ZNF532: variants seen among roughly 807,000 people sequenced by gnomAD.
ZNF532 encodes the protein zinc finger protein 532.
In ZNF532, 22 loss-of-function variants were observed where a neutral mutation model predicts 89.3. That is an observed-to-expected ratio of 0.25 (90% CI 0.18 to 0.35). ZNF532 has a LOEUF of 0.35. ZNF532 is among the 10% of genes least tolerant of loss of function. The pLI is 1.00. For missense variants in ZNF532, 1,132 were observed against 1,643.4 expected, an observed-to-expected ratio of 0.69 and a Z score of 5.38; for synonymous variants, 606 against 649.6, an observed-to-expected ratio of 0.93 and a Z score of 1.02.
At chr18:58,875,152 CT>C (rs2057328831) in intron 2 of ZNF532, among the ~76,000 whole-genome samples, 1 of 151,816 alleles carries the variant, frequency 6.6e-6, no homozygotes, top group Admixed American at 6.6e-5. Context: ...TTTCCCCCCC[CT>C]TTTTTTCTCT....
At chr18:58,959,124 G>T (rs1444904723) in intron 7 of ZNF532, among the ~76,000 whole-genome samples, 1 of 152,066 alleles carries the variant, frequency 6.6e-6, no homozygotes, top group Non-Finnish European at 1.5e-5. Flanking sequence ...TCTCTCATTT[G>T]CTGCCTGGTT....
chr18:58,885,293 G>GT (rs1179523653), intron 2 of ZNF532, among the ~76,000 whole-genome samples: 2 of 152,016 alleles, frequency 1.3e-5, no homozygotes, highest in African/African-American at 2.4e-5. Flanking sequence ...TCAGCTGGGT[G>GT]TTTTTTTGTT....
chr18:58,979,761 G>C (rs1302935200), intron 8 of ZNF532: 1 of 152,474 alleles, frequency 6.6e-6, no homozygotes, highest in African/African-American at 2.4e-5. Flanking sequence ...GGCCACATTG[G>C]CGAGGTGATT....
intron 2 of ZNF532, among the ~76,000 whole-genome samples, chr18:58,895,216 G>A (rs866153706): frequency 6.6e-6 from 1 of 152,330 alleles, no homozygotes; most frequent in African/African-American, 2.4e-5. Context: ...AGCAGTAGCT[G>A]CGTCGTCTTC....
At chr18:58,939,378 C>T in intron 4 of ZNF532, 67 bp from the exon 5 acceptor site, 1 of 1,403,810 alleles carries the variant, frequency 7.1e-7, no homozygotes, top group South Asian at 1.6e-5. Context: ...TTCATCTCAC[C>T]CAGTTTTTGC....
chr18:58,866,572 G>A (rs544526301), intron 2 of ZNF532, among the ~76,000 whole-genome samples: 1 of 152,322 alleles, frequency 6.6e-6, no homozygotes, highest in East Asian at 1.9e-4. Flanking sequence ...GCCCATAGAA[G>A]ACATGACTGA....
chr18:58,913,617 T>A (rs1460731304), intron 2 of ZNF532, among the ~76,000 whole-genome samples: 1 of 151,598 alleles, frequency 6.6e-6, no homozygotes, highest in Non-Finnish European at 1.5e-5. Context: ...TATATATATA[T>A]AAAAGAATTA....
At chr18:58,954,041 T>C (rs1484814967) in intron 7 of ZNF532, 1 of 985,082 alleles carries the variant, frequency 1.0e-6, no homozygotes, top group Non-Finnish European at 1.2e-6. Flanking sequence ...TGCATGAATG[T>C]GGTAAGTTAC....
chr18:58,943,738 G>A (rs990481788), intron 5 of ZNF532, among the ~76,000 whole-genome samples: 1 of 152,174 alleles, frequency 6.6e-6, no homozygotes, highest in Non-Finnish European at 1.5e-5. Flanking sequence ...TGGGATTATA[G>A]GTGTGAGCCA....
intron 2 of ZNF532, among the ~76,000 whole-genome samples, chr18:58,887,199 C>T (rs1393322546): frequency 6.6e-6 from 1 of 152,214 alleles, no homozygotes; most frequent in African/African-American, 2.4e-5. Flanking sequence ...TGGGCAGAAC[C>T]CAGGCCTTCT....
At position 58,940,923 on chromosome 18, in the gene ZNF532, TACAC is replaced by T. The variant is rs200614911; in HGVS notation, c.2705+1335_2705+1338del. ...GAAGATACACAGCTATGCCATATTT[TACAC>T]ACACACACACACACACACACACACA... On this transcript the variant is annotated intron_variant, in intron 5 of 9. Coordinates refer to ENST00000591808, the MANE Select transcript of ZNF532 (RefSeq NM_001375912.1). Among the ~76,000 whole-genome samples, 237 of 118,646 alleles carry T rather than the reference TACAC, an allele frequency of 2.0e-3. 4 individuals carry two copies. Among genetic ancestry groups the T allele is most frequent in the Middle Eastern group, 4.8e-3 (1 of 208 alleles). 77.8% of individuals were successfully genotyped at this position (118,646 alleles called of 152,430 possible). A position where few individuals can be genotyped will look rare whatever the true frequency, so the allele number is the denominator to read the frequency against.
chr18:58,898,005 C>T (rs898617624), intron 2 of ZNF532, among the ~76,000 whole-genome samples: 2 of 152,110 alleles, frequency 1.3e-5, no homozygotes, highest in African/African-American at 4.8e-5. Context: ...TATTACTTAA[C>T]TCCTTTCAAC....
rs148790769 is a variant in ZNF532 at position 58,946,078 on chromosome 18, AG to A, written c.2706-1987del. On this transcript the variant is annotated intron_variant, in intron 5 of 9. Transcript: ENST00000591808. ...GTCCTATGCCAATTACAGAAAAAACAGGAAGTAGAGACAAACAAAGCAATAA... is the reference window on the plus strand; with the variant it reads ...GTCCTATGCCAATTACAGAAAAAACAGAAGTAGAGACAAACAAAGCAATAA... Among the ~76,000 whole-genome samples the A allele has an allele frequency of 4.0e-3, 604 of 152,306 alleles. 1 individual carries two copies. Among genetic ancestry groups the A allele is most frequent in the Non-Finnish European group, 6.8e-3 (462 of 68,016 alleles).
In ZNF532 at chr18:58,918,261, C is replaced by A. The variant is rs774518906; in HGVS notation, c.-17-10C>A. On this transcript the variant is annotated splice_polypyrimidine_tract_variant and intron_variant, in intron 2 of 9. Transcript: ENST00000591808. ...ATTACTGATGGAACTATTTTCTGCT[C>A]ATTTAACAGAACATCTGCTCAAATT... is the stretch of plus-strand genomic sequence containing the variant. 3 of 1,599,552 alleles carry A rather than the reference C, an allele frequency of 1.9e-6. No individual in the cohort carries two copies. The East Asian group carries it at 6.7e-5, about 36-fold the overall frequency.
chr18:58,943,493 T>C lies in ZNF532; in HGVS notation c.2705+3872T>C, dbSNP rs139996736. On this transcript the variant is annotated intron_variant, in intron 5 of 9. Transcript: ENST00000591808. ...TTTTTCCTTTTTTTGAGATGGAGTC[T>C]CGCTCTGTTGCCAGGCTGTAGTGCA... Among the ~76,000 whole-genome samples, 472 of 148,928 alleles carry C rather than the reference T, an allele frequency of 3.2e-3. 2 individuals are homozygous for C. The highest frequency in any genetic ancestry group is 0.011 in the Admixed American group (164 of 14,920).
intron 4 of ZNF532, among the ~76,000 whole-genome samples, chr18:58,936,959 G>T (rs1213759749): frequency 6.6e-6 from 1 of 152,164 alleles, no homozygotes; most frequent in Non-Finnish European, 1.5e-5. Flanking sequence ...TCTTGGTGCA[G>T]TGTGCCTTGC....
Position 58,920,273 on chromosome 18 carries a change from T to C in ZNF532, c.1986T>C (p.Leu662=), listed in dbSNP as rs761449967. ...TTTTTTACAACAAATGCAGCCTCCT[T>C]TCCCATGCCCGTGGGCATAAGGAGA... ...NLVFYNKCSL[L]SHARGHKEKG... is the part of the protein sequence containing the mutation. Residue 662 remains leucine (L), a synonymous_variant, in exon 3 of 10, where the codon CTT becomes CTC. Transcript: ENST00000591808. 6.2e-7 allele frequency: 1 copy of C among 1,613,986 alleles called. No individual in the cohort carries two copies. Among genetic ancestry groups the C allele is most frequent in the Non-Finnish European group, 8.5e-7 (1 of 1,179,868 alleles).
At chr18:58,876,463 T>G (rs2057440149) in intron 2 of ZNF532, among the ~76,000 whole-genome samples, 1 of 152,160 alleles carries the variant, frequency 6.6e-6, no homozygotes, top group African/African-American at 2.4e-5. Context: ...GGACTTACCC[T>G]CTAGCTTGGC....
Position 58,919,372 on chromosome 18 carries a change from G to A in ZNF532, c.1085G>A (p.Arg362His), listed in dbSNP as rs773311367. The A allele has an allele frequency of 6.2e-7, 1 of 1,614,164 alleles. No homozygotes were observed. Among genetic ancestry groups the A allele is most frequent in the African/African-American group, 1.3e-5 (1 of 75,048 alleles). ...TCCACACCAGCAATCCCCAAAGTCC[G>A]CATAAAAACCATTAAGACATCTTCT... ...AGSTPAIPKVRIKTIKTSSGE... is the reference protein window; with the variant it reads ...AGSTPAIPKVHIKTIKTSSGE... The change falls in exon 3 of 10, where the codon CGC (arginine) becomes CAC (histidine). Residue 362 changes from arginine (R) to histidine (H), a missense_variant. Transcript: ENST00000591808. This position sits in a 1 kb window ranked among gnomAD's most constrained non-coding sequence, Gnocchi z 6.1.
Sources: allele counts gnomAD v4.1 joint callset (sites outside exome capture counted in the v4.1 genomes callset), GRCh38; gene constraint gnomAD v4.1.1; non-coding constraint Gnocchi (gnomAD v3.1); transcripts MANE v1.5; gene names NCBI Gene and HGNC (gene_info 2026-07-23, HGNC 2026-07-21).